Variants in CTCFL observed in about 807,000 individuals in gnomAD.
The protein encoded by CTCFL is CCCTC-binding factor like.
CTCFL carries 36 observed loss-of-function variants against 67.4 expected under a neutral mutation model. The observed-to-expected ratio is 0.53, with a 90% CI of 0.41 to 0.71. CTCFL has a LOEUF of 0.71. Among genes scored for constraint, CTCFL ranks in the 30% least tolerant of loss-of-function variants. The pLI is 0.00. For missense variants in CTCFL, 786 were observed against 835.2 expected, an observed-to-expected ratio of 0.94 and a Z score of 0.73; for synonymous variants, 324 against 302.3, an observed-to-expected ratio of 1.07 and a Z score of -0.75.
chr20:57,525,060 TC>T lies in CTCFL; in HGVS notation c.-45del, dbSNP rs1252327884. ...GGCGTGGCCGGAATGCTCGGCCCAC[TC>T]CGTCTTTGGCTTGTGGGCTCTGCCT... On this transcript the variant is annotated 5_prime_UTR_variant, in exon 1 of 11. Coordinates refer to ENST00000243914, the MANE Select transcript of CTCFL (RefSeq NM_001386993.1). 1 of 151,916 alleles carries T rather than the reference TC, an allele frequency of 6.6e-6. No homozygotes were observed. The highest frequency in any genetic ancestry group is 1.5e-5 in the Non-Finnish European group (1 of 68,068). The allele number at this position is 151,916 out of a possible 1,614,324, so 9.4% of individuals were successfully genotyped here. A position where few individuals can be genotyped will look rare whatever the true frequency, so the allele number is the denominator to read the frequency against.
rs777950950 is a variant in CTCFL at position 57,513,939 on chromosome 20, C to A, written c.1330+653G>T. 1.0e-4 allele frequency: 126 copies of A among 1,263,036 alleles called. No individual in the cohort carries two copies. The Admixed American group carries it at 1.2e-3, about 12-fold the overall frequency. The allele number at this position is 1,263,036 out of a possible 1,614,324, so 78.2% of individuals were successfully genotyped here. On this transcript the variant is annotated intron_variant, in intron 7 of 10. Transcript: ENST00000243914. The stretch of plus-strand genomic sequence containing the variant: ...CCTCCCTCCCATTGCTCAACACTGG[C>A]TGGCTTCCCCACAGGCAGTATCAAA...
Position 57,512,601 on chromosome 20 carries a change from G to C in CTCFL, c.1482C>G (p.Ala494=). The C allele has an allele frequency of 1.2e-6, 2 of 1,614,090 alleles. No homozygotes were observed. Among genetic ancestry groups the C allele is most frequent in the Non-Finnish European group, 1.7e-6 (2 of 1,179,994 alleles). ...AAGTAAAGTACAATACCTGCTTGCAGGCATAACTGCAGTGTTTGCACTTGA... is the reference window on the plus strand; with the variant it reads ...AAGTAAAGTACAATACCTGCTTGCACGCATAACTGCAGTGTTTGCACTTGA... ...KRFKCKHCSY[A]CKQERHMTAH... The change falls in exon 8 of 11, where the codon GCC becomes GCG. Residue 494 remains alanine (A), a synonymous_variant. Coordinates refer to ENST00000243914, the MANE Select transcript of CTCFL (RefSeq NM_001386993.1).
downstream of CTCFL, chr20:57,496,150 T>C (rs868462653): frequency 3.5e-4 from 150 of 433,076 alleles, no homozygotes; most frequent in Middle Eastern, 1.8e-3. Context: ...AGGAATGATT[T>C]AGCACCATCC....
rs754919852 is a variant in CTCFL at position 57,524,082 on chromosome 20, G to A, written c.124C>T (p.Arg42Trp). The A allele has an allele frequency of 6.2e-6, 10 of 1,613,566 alleles. No individual in the cohort carries two copies. Among genetic ancestry groups the A allele is most frequent in the Non-Finnish European group, 7.6e-6 (9 of 1,179,984 alleles). Reference sequence around the variant, plus strand: ...TCGGCCTCCAACTCACTAGGGCTCCGATGGTCTTTCTCTCTGCACACTCCG... The same window carrying A: ...TCGGCCTCCAACTCACTAGGGCTCCAATGGTCTTTCTCTCTGCACACTCCG... ...KDGVCREKDH[R>W]SPSELEAERT... The change falls in exon 2 of 11, where the codon CGG becomes TGG. Residue 42 changes from arginine to tryptophan, a missense_variant. Transcript: ENST00000243914.
rs1337800140 is a variant in CTCFL, at chr20:57,518,745, A to C, written c.1059+13T>G. 1.9e-6 allele frequency: 3 copies of C among 1,614,080 alleles called. No homozygotes were observed. The highest frequency in any genetic ancestry group is 4.5e-5 in the East Asian group (2 of 44,900). On this transcript the variant is annotated intron_variant, in intron 5 of 10. Transcript: ENST00000243914. Reference sequence around the variant, plus strand: ...AAGATGCCATGAAGCTTCAAGTCCAAGAATGGCTTTACCTCCACACTGGCA... The same window carrying C: ...AAGATGCCATGAAGCTTCAAGTCCACGAATGGCTTTACCTCCACACTGGCA...
chr20:57,497,532 C>G lies in CTCFL; in HGVS notation c.*1018G>C, dbSNP rs2146265484. The G allele has an allele frequency of 1.0e-6, 1 of 985,422 alleles. No individual in the cohort carries two copies. Among genetic ancestry groups the G allele is most frequent in the Non-Finnish European group, 1.2e-6 (1 of 829,918 alleles). The allele number at this position is 985,422 out of a possible 1,614,324, so 61.0% of individuals were successfully genotyped here. ...CAACTAAGCAATGAAGAAAAATCTG[C>G]CTCTGTATCCAGATAGAAATGAATT... On this transcript the variant is annotated 3_prime_UTR_variant, in exon 11 of 11. Coordinates refer to ENST00000243914, the MANE Select transcript of CTCFL (RefSeq NM_001386993.1).
intron 7 of CTCFL, among the ~76,000 whole-genome samples, chr20:57,514,244 T>G (rs1379561233): frequency 6.6e-6 from 1 of 152,194 alleles, no homozygotes; most frequent in Admixed American, 6.5e-5. Flanking sequence ...CCTAGCACCC[T>G]TGGTTCGTAT....
At chr20:57,496,761 G>A (rs1349596673), downstream of CTCFL, among the ~76,000 whole-genome samples, 2 of 152,158 alleles carry the variant, frequency 1.3e-5, no homozygotes, top group African/African-American at 4.8e-5. Flanking sequence ...CCCCCATGTT[G>A]TAGCATGTGT....
At chr20:57,516,308 G>A (rs2146397087) in intron 5 of CTCFL, among the ~76,000 whole-genome samples, 1 of 152,240 alleles carries the variant, frequency 6.6e-6, no homozygotes, top group Admixed American at 6.5e-5. Context: ...GAGGCTGAGA[G>A]GGGTGGATCA....
chr20:57,502,087 G>A (rs2067947577), intron 10 of CTCFL, among the ~76,000 whole-genome samples: 1 of 152,234 alleles, frequency 6.6e-6, no homozygotes, highest in African/African-American at 2.4e-5. Flanking sequence ...TGAGCTGAGT[G>A]ATGGGGCACT....
At chr20:57,519,434 T>C in intron 3 of CTCFL, 57 bp from the exon 4 acceptor site, 5 of 1,484,254 alleles carry the variant, frequency 3.4e-6, no homozygotes, top group Non-Finnish European at 4.7e-6. Context: ...ATTTAAATAC[T>C]TGAAAGTAAA....
intron 8 of CTCFL, among the ~76,000 whole-genome samples, chr20:57,512,251 G>A (rs1321488678): frequency 6.6e-6 from 1 of 152,150 alleles, no homozygotes; most frequent in African/African-American, 2.4e-5. Flanking sequence ...ATTCCACTGG[G>A]TGTCACTGCC....
At chr20:57,496,320 A>G (rs933196122), downstream of CTCFL, 4 of 686,174 alleles carry the variant, frequency 5.8e-6, no homozygotes, top group Non-Finnish European at 1.1e-5. Flanking sequence ...CCTCCCCAGA[A>G]GCCAGGCAGA....
At chr20:57,508,393 T>C (rs913437043) in intron 9 of CTCFL, among the ~76,000 whole-genome samples, 3 of 152,074 alleles carry the variant, frequency 2.0e-5, no homozygotes, top group Non-Finnish European at 2.9e-5. Context: ...CTTTTTTTTT[T>C]TTTTAGGGGA....
At chr20:57,513,168 G>A in intron 7 of CTCFL, 3 of 820,816 alleles carry the variant, frequency 3.7e-6, no homozygotes, top group Non-Finnish European at 4.4e-6. Flanking sequence ...GAACTATTAT[G>A]GGGTAGGTGA....
Position 57,503,237 on chromosome 20 carries a change from C to T in CTCFL, c.1840+199G>A, listed in dbSNP as rs551872533. Reference sequence around the variant, plus strand: ...GGGGTGGGGGCCACACATGGACCTGCGTGGGGCTCTCACACTGACTTTCTC... The same window carrying T: ...GGGGTGGGGGCCACACATGGACCTGTGTGGGGCTCTCACACTGACTTTCTC... On this transcript the variant is annotated intron_variant, in intron 10 of 10. Transcript: ENST00000243914. 1.7e-3 allele frequency among the ~76,000 whole-genome samples: 257 copies of T among 152,334 alleles called. 2 individuals are homozygous for T. The highest frequency in any genetic ancestry group is 5.9e-3 in the African/African-American group (247 of 41,568).
chr20:57,496,768 G>C (rs2067728956), downstream of CTCFL, among the ~76,000 whole-genome samples: 1 of 152,228 alleles, frequency 6.6e-6, no homozygotes, highest in Non-Finnish European at 1.5e-5. Context: ...GTTGTAGCAT[G>C]TGTGAGGGTC....
At chr20:57,507,834 T>G in intron 9 of CTCFL, 1 of 703,062 alleles carries the variant, frequency 1.4e-6, no homozygotes, top group South Asian at 1.5e-5. Context: ...CCACTCCATT[T>G]TGAGGTAATC....
intron 2 of CTCFL, 94 bp downstream of exon 2, chr20:57,523,569 T>C (rs1336808121): frequency 1.3e-6 from 2 of 1,499,976 alleles, no homozygotes; most frequent in African/African-American, 2.8e-5. Flanking sequence ...AATTTGCAAC[T>C]GCAAAATACC....
Sources: gnomAD v4.1 joint callset for allele counts (sites outside exome capture counted in the v4.1 genomes callset) on GRCh38, gnomAD v4.1.1 for gene constraint, MANE v1.5 for transcripts, NCBI Gene and HGNC (gene_info 2026-07-23, HGNC 2026-07-21) for gene names.